The following COL24A1 variants were observed in gnomAD, a reference collection of about 807,000 sequenced individuals.
The protein encoded by COL24A1 is collagen type XXIV alpha 1 chain.
Under a neutral mutation model 253.9 loss-of-function variants are expected in COL24A1, and 224 were observed. The observed-to-expected ratio is 0.88, with a 90% CI of 0.79 to 0.99. The LOEUF (loss-of-function observed/expected upper bound fraction) is 0.99. Ranked by LOEUF, COL24A1 falls within the 50% of genes least tolerant of loss-of-function variation. COL24A1 has a pLI of 0.00. For synonymous variants in COL24A1, 685 were observed against 673.7 expected, an observed-to-expected ratio of 1.02 and a Z score of -0.26; for missense variants, 2,131 against 2,068.5, an observed-to-expected ratio of 1.03 and a Z score of -0.59.
chr1:85,862,914 C>T (rs1679327500), intron 37 of COL24A1, among the ~76,000 whole-genome samples: 1 of 152,146 alleles, frequency 6.6e-6, no homozygotes, highest in African/African-American at 2.4e-5. Context: ...GGCAATATGG[C>T]CATTTTCATG....
At chr1:85,950,192 A>G (rs981146576) in intron 24 of COL24A1, among the ~76,000 whole-genome samples, 2 of 119,174 alleles carry the variant, frequency 1.7e-5, no homozygotes, top group African/African-American at 6.0e-5. Flanking sequence ...AACACATAAA[A>G]AGCAAGAATT....
At chr1:86,081,914 T>C (rs1368078455) in intron 7 of COL24A1, among the ~76,000 whole-genome samples, 2 of 152,168 alleles carry the variant, frequency 1.3e-5, no homozygotes, top group South Asian at 2.1e-4. Flanking sequence ...AATGCCCTTA[T>C]GTTATTAAGT....
intron 43 of COL24A1, among the ~76,000 whole-genome samples, chr1:85,838,209 G>T (rs541590336): frequency 6.6e-6 from 1 of 152,126 alleles, no homozygotes; most frequent in Non-Finnish European, 1.5e-5. Flanking sequence ...CCCACATTTT[G>T]TTGGGGGAAG....
intron 2 of COL24A1, among the ~76,000 whole-genome samples, chr1:86,140,615 G>GT (rs1230034841): frequency 6.6e-6 from 1 of 152,174 alleles, no homozygotes; most frequent in East Asian, 1.9e-4. Context: ...TACACACGTG[G>GT]TTTTCACACC....
At chr1:85,786,285 A>T in intron 48 of COL24A1, 69 bp downstream of exon 48, 1 of 1,320,374 alleles carries the variant, frequency 7.6e-7, no homozygotes. Context: ...TCTGTGATCT[A>T]GCCAATGAAC....
intron 57 of COL24A1, among the ~76,000 whole-genome samples, chr1:85,744,387 T>A (rs573677638): frequency 3.9e-4 from 60 of 152,208 alleles, no homozygotes; most frequent in African/African-American, 1.4e-3. Flanking sequence ...TGAGTACTAC[T>A]GTCTGTTAAT....
intron 24 of COL24A1, among the ~76,000 whole-genome samples, chr1:85,948,675 TCA>T (rs1491389158): frequency 4.6e-4 from 69 of 149,920 alleles, no homozygotes; most frequent in African/African-American, 1.6e-3. Flanking sequence ...CACCAAGGAG[TCA>T]AAAAACTATA....
chr1:85,819,382 TAATC>T (rs1466120606), intron 45 of COL24A1, among the ~76,000 whole-genome samples: 1 of 152,214 alleles, frequency 6.6e-6, no homozygotes, highest in Non-Finnish European at 1.5e-5. Flanking sequence ...GCAATTATGT[TAATC>T]AGTGTGTTTT....
intron 43 of COL24A1, among the ~76,000 whole-genome samples, chr1:85,829,389 C>G (rs900233941): frequency 1.3e-5 from 2 of 151,238 alleles, no homozygotes; most frequent in African/African-American, 2.4e-5. Context: ...GTGAATCTGA[C>G]AATTATGTGT....
intron 35 of COL24A1, among the ~76,000 whole-genome samples, chr1:85,874,391 A>T (rs1001604463): frequency 3.9e-5 from 6 of 152,194 alleles, no homozygotes; most frequent in African/African-American, 1.4e-4. Context: ...CAGTGACTCC[A>T]CATTTTTGGT....
intron 53 of COL24A1, among the ~76,000 whole-genome samples, chr1:85,772,366 A>C (rs902950358): frequency 2.4e-4 from 37 of 151,838 alleles, no homozygotes; most frequent in Admixed American, 1.2e-3. Flanking sequence ...GTGGGACTGT[A>C]AACTAGTTCA....
intron 55 of COL24A1, among the ~76,000 whole-genome samples, chr1:85,755,892 A>C (rs1021623530): frequency 2.5e-5 from 3 of 121,220 alleles, no homozygotes; most frequent in Non-Finnish European, 5.2e-5. Context: ...AAAGTAGATA[A>C]ATTAGACTAT....
intron 14 of COL24A1, among the ~76,000 whole-genome samples, chr1:86,023,357 G>C (rs1697733756): frequency 6.6e-6 from 1 of 152,074 alleles, no homozygotes; most frequent in Non-Finnish European, 1.5e-5. Context: ...CCAGGAACTA[G>C]TCAACAGATA....
At chr1:85,739,260 T>C (rs1237965785) in intron 57 of COL24A1, among the ~76,000 whole-genome samples, 1 of 152,192 alleles carries the variant, frequency 6.6e-6, no homozygotes, top group East Asian at 1.9e-4. Flanking sequence ...AATAAAAAAT[T>C]CTTTATAAAA....
At chr1:85,781,141 C>T (rs1263314662) in intron 52 of COL24A1, 79 bp downstream of exon 52, 2 of 1,045,192 alleles carry the variant, frequency 1.9e-6, no homozygotes, top group Non-Finnish European at 2.8e-6. Context: ...AATACCCAGG[C>T]TAATTCTTTG....
At chr1:85,854,890 G>C (rs1260787656) in intron 37 of COL24A1, among the ~76,000 whole-genome samples, 1 of 152,048 alleles carries the variant, frequency 6.6e-6, no homozygotes, top group Non-Finnish European at 1.5e-5. Flanking sequence ...TTTTAGTAGA[G>C]AAGGGGTTTC....
chr1:85,954,005 T>C (rs1385976912), intron 24 of COL24A1, among the ~76,000 whole-genome samples: 4 of 152,218 alleles, frequency 2.6e-5, no homozygotes, highest in Admixed American at 1.3e-4. Context: ...ACTGATGCTA[T>C]TGGAAAAGCA....
intron 24 of COL24A1, among the ~76,000 whole-genome samples, chr1:85,946,504 G>A (rs1220112059): frequency 1.3e-5 from 2 of 152,170 alleles, no homozygotes; most frequent in African/African-American, 2.4e-5. Context: ...CTGGGGAGAA[G>A]GAGAAATGTA....
chr1:86,105,505 A>G (rs1704891176), intron 5 of COL24A1, among the ~76,000 whole-genome samples: 1 of 152,198 alleles, frequency 6.6e-6, no homozygotes, highest in African/African-American at 2.4e-5. Flanking sequence ...GCCCTGGGAA[A>G]GGCCAGCAGA....
Sources: gnomAD v4.1 joint callset for allele counts (sites outside exome capture counted in the v4.1 genomes callset) on GRCh38, gnomAD v4.1.1 for gene constraint, MANE v1.5 for transcripts, NCBI Gene and HGNC (gene_info 2026-07-23, HGNC 2026-07-21) for gene names.